KLHL4: variants seen among roughly 807,000 people sequenced by gnomAD.
KLHL4 encodes kelch-like protein 4.
Under a neutral mutation model 45.8 loss-of-function variants are expected in KLHL4, and 17 were observed. That is an observed-to-expected ratio of 0.37 (90% confidence interval 0.25 to 0.56). The LOEUF (loss-of-function observed/expected upper bound fraction) is 0.56, where lower values mean the gene tolerates loss of function less well. KLHL4 is among the 20% of genes least tolerant of loss of function. The pLI, the probability that KLHL4 is intolerant of heterozygous loss-of-function variation, is 0.79. For synonymous variants in KLHL4, 224 were observed against 189.9 expected (o/e 1.18, Z -1.47); for missense variants, 544 against 544.9 (o/e 1.00, Z 0.02).
chrX:87,592,088 A>T (rs1921688903), intron 1 of KLHL4, among the ~76,000 whole-genome samples: 1 of 109,722 alleles, frequency 9.1e-6, no homozygotes, highest in African/African-American at 3.3e-5. Flanking sequence ...TATAGCTTCT[A>T]CAAATGAGTG....
intron 1 of KLHL4, among the ~76,000 whole-genome samples, chrX:87,597,382 G>A (rs968916832): frequency 3.6e-5 from 4 of 110,867 alleles, no homozygotes; most frequent in Non-Finnish European, 5.7e-5. Context: ...AACATGGTTT[G>A]TCTAGGTCTC....
intron 8 of KLHL4, among the ~76,000 whole-genome samples, chrX:87,634,678 C>G (rs775517610): frequency 9.0e-6 from 1 of 111,682 alleles, no homozygotes; most frequent in Non-Finnish European, 1.9e-5. Flanking sequence ...GTTTTTAGAA[C>G]CTTGCACAGA....
chrX:87,600,275 A>T (rs1316858783), intron 1 of KLHL4, among the ~76,000 whole-genome samples: 1 of 110,710 alleles, frequency 9.0e-6, no homozygotes. Context: ...TCACGAGGTC[A>T]GATTGAGACC....
At chrX:87,531,300 G>A (rs2147766371) in intron 1 of KLHL4, among the ~76,000 whole-genome samples, 1 of 110,740 alleles carries the variant, frequency 9.0e-6, no homozygotes, top group East Asian at 2.9e-4. Context: ...TTTGTCTTTT[G>A]TTGCCATTGC....
At chrX:87,636,748 G>A (rs1923276730) in intron 9 of KLHL4, among the ~76,000 whole-genome samples, 1 of 110,051 alleles carries the variant, frequency 9.1e-6, no homozygotes, top group South Asian at 4.0e-4. Flanking sequence ...AGCAGAGCTA[G>A]CCATAATCCC....
intron 1 of KLHL4, among the ~76,000 whole-genome samples, chrX:87,542,686 CT>C (rs1349452716): frequency 8.9e-6 from 1 of 111,930 alleles, no homozygotes; most frequent in Non-Finnish European, 1.9e-5. Flanking sequence ...CCCATTGTAT[CT>C]TGGAAGTAAA....
In KLHL4 at chrX:87,668,999, C is replaced by T; in HGVS notation, c.*2465C>T. The T allele has an allele frequency of 1.2e-6, 1 of 806,080 alleles. No homozygotes were observed. The allele number at this position is 806,080 out of a possible 1,213,427, so 66.4% of individuals were successfully genotyped here. ...CATCAGAATAGAGACCTGCAGAGGC[C>T]CAGGGCACTCAAACATAACTGTGCT... On this transcript the variant is annotated 3_prime_UTR_variant, in exon 11 of 11. Transcript: ENST00000373119.
chrX:87,565,582 T>C (rs942258211), intron 1 of KLHL4, among the ~76,000 whole-genome samples: 22 of 104,626 alleles, frequency 2.1e-4, no homozygotes, highest in Non-Finnish European at 3.5e-4. Flanking sequence ...AAAAGGTATC[T>C]GGGCTTGGTG....
At chrX:87,545,909 C>A (rs1490800891) in intron 1 of KLHL4, among the ~76,000 whole-genome samples, 4 of 111,761 alleles carry the variant, frequency 3.6e-5, no homozygotes. Context: ...AGCAAAGAGA[C>A]TGGCAGCATT....
intron 1 of KLHL4, among the ~76,000 whole-genome samples, chrX:87,529,881 T>G (rs954234731): frequency 1.8e-5 from 2 of 112,112 alleles, no homozygotes; most frequent in African/African-American, 6.5e-5. Flanking sequence ...CAATATAATT[T>G]AAATGCCTTA....
intron 1 of KLHL4, among the ~76,000 whole-genome samples, chrX:87,533,227 T>C (rs1371817447): frequency 2.8e-5 from 3 of 107,830 alleles, no homozygotes; most frequent in African/African-American, 1.0e-4. Context: ...GGACTATAAA[T>C]CATGCTGCTA....
rs1922471967 is a variant in KLHL4, at chrX:87,614,062, T to C, written c.590+18T>C. On this transcript the variant is annotated intron_variant, in intron 2 of 10. Transcript: ENST00000373119. ...GCCCATAGGTAAGTATTTTTATGTA[T>C]ACAGAATGGTTTTGAGTAGGGCAAT... 4.3e-6 allele frequency: 5 copies of C among 1,156,758 alleles called. No homozygotes were observed. The highest frequency in any genetic ancestry group is 5.8e-6 in the Non-Finnish European group (5 of 857,729).
chrX:87,524,459 T>A (rs1222290661), intron 1 of KLHL4, among the ~76,000 whole-genome samples: 1 of 111,773 alleles, frequency 8.9e-6, no homozygotes, highest in Non-Finnish European at 1.9e-5. Flanking sequence ...TGTGATGTAA[T>A]GACAATAATA....
chrX:87,539,442 T>C (rs1931505750), intron 1 of KLHL4, among the ~76,000 whole-genome samples: 2 of 111,202 alleles, frequency 1.8e-5, no homozygotes, highest in Non-Finnish European at 1.9e-5. Context: ...ATATTCTTGG[T>C]AAGTTTTTCA....
intron 1 of KLHL4, among the ~76,000 whole-genome samples, chrX:87,518,962 C>T (rs777012510): frequency 1.8e-5 from 2 of 111,983 alleles, no homozygotes; most frequent in South Asian, 7.4e-4. Context: ...TCAGCTTTTA[C>T]ATAAAATGAA....
At chrX:87,579,224 A>T (rs889942048) in intron 1 of KLHL4, among the ~76,000 whole-genome samples, 1 of 111,362 alleles carries the variant, frequency 9.0e-6, no homozygotes, top group Non-Finnish European at 1.9e-5. Flanking sequence ...TGAAAAAAAA[A>T]TCAGTCTGTA....
chrX:87,583,688 T>C (rs1170010418), intron 1 of KLHL4, among the ~76,000 whole-genome samples: 1 of 111,597 alleles, frequency 9.0e-6, no homozygotes, highest in Non-Finnish European at 1.9e-5. Flanking sequence ...AGGTAGTACA[T>C]TGACGGCCTT....
At chrX:87,563,932 G>C (rs928378482) in intron 1 of KLHL4, among the ~76,000 whole-genome samples, 3 of 110,821 alleles carry the variant, frequency 2.7e-5, no homozygotes, top group Non-Finnish European at 5.7e-5. Context: ...CAAAAGCTTA[G>C]ACAGACTTTC....
chrX:87,625,056 A>G (rs1922880071), intron 5 of KLHL4, among the ~76,000 whole-genome samples: 1 of 112,771 alleles, frequency 8.9e-6, no homozygotes. Flanking sequence ...TTGCTTGTGC[A>G]GACAGAGCCA....
Sources: allele counts gnomAD v4.1 joint callset (sites outside exome capture counted in the v4.1 genomes callset), GRCh38; gene constraint gnomAD v4.1.1; transcripts MANE v1.5; gene names NCBI Gene and HGNC (gene_info 2026-07-23, HGNC 2026-07-21).